CHLSN: variants seen among roughly 807,000 people sequenced by gnomAD.
CHLSN encodes the protein protein cholesin.
chr7:1,062,334 G>A, the CHLSN span, among the ~76,000 whole-genome samples: 1 of 152,158 alleles, frequency 6.6e-6, no homozygotes, highest in East Asian at 1.9e-4. Flanking sequence ...AGCAGGAATA[G>A]TAACCGTAAC....
At chr7:1,072,662 A>G in the CHLSN span, among the ~76,000 whole-genome samples, 1 of 143,562 alleles carries the variant, frequency 7.0e-6, no homozygotes, top group African/African-American at 2.6e-5. Context: ...TATGGAGTCA[A>G]TTTCTTTTCT....
the CHLSN span, chr7:1,028,556 C>T: frequency 7.1e-6 from 7 of 985,152 alleles, no homozygotes; most frequent in Middle Eastern, 1.0e-3. Context: ...CTCTGGCCGC[C>T]CGGGTCTCCG....
At chr7:1,010,150 G>T in the CHLSN span, 1 of 1,605,976 alleles carries the variant, frequency 6.2e-7, no homozygotes, top group Non-Finnish European at 8.5e-7. Flanking sequence ...CGCCCTGAAA[G>T]TCAAGGAACA....
the CHLSN span, chr7:987,308 G>T: frequency 6.5e-7 from 1 of 1,533,324 alleles, no homozygotes; most frequent in African/African-American, 1.4e-5. Context: ...AGGGACGAGG[G>T]ATGGCGCTGC....
the CHLSN span, among the ~76,000 whole-genome samples, chr7:1,050,351 G>A: frequency 2.0e-5 from 3 of 152,256 alleles, no homozygotes; most frequent in African/African-American, 7.2e-5. Flanking sequence ...GCAGAGCAGG[G>A]AGCCGTCCAC....
chr7:1,000,721 G>A, the CHLSN span, among the ~76,000 whole-genome samples: 7 of 152,156 alleles, frequency 4.6e-5, no homozygotes, highest in African/African-American at 1.4e-4. Context: ...TGCCCGAGGC[G>A]AGGAGCCGCA....
chr7:1,102,287 A>G, the CHLSN span, among the ~76,000 whole-genome samples: 3 of 152,258 alleles, frequency 2.0e-5, no homozygotes, highest in Non-Finnish European at 4.4e-5. Flanking sequence ...AGCTGGGCCC[A>G]GCGGCAGTGG....
At chr7:1,053,243 C>T in the CHLSN span, among the ~76,000 whole-genome samples, 1 of 152,266 alleles carries the variant, frequency 6.6e-6, no homozygotes, top group Non-Finnish European at 1.5e-5. Flanking sequence ...CACAGAACCC[C>T]TCTGCGTCCA....
the CHLSN span, among the ~76,000 whole-genome samples, chr7:1,105,988 AG>A: frequency 3.3e-5 from 5 of 151,448 alleles, no homozygotes; most frequent in African/African-American, 1.2e-4. Flanking sequence ...CACGGAGGGG[AG>A]AGGAGAGAGG....
the CHLSN span, among the ~76,000 whole-genome samples, chr7:1,103,094 G>A: frequency 5.7e-3 from 864 of 152,310 alleles, 64 homozygotes; most frequent in East Asian, 0.14. Flanking sequence ...GGGGTCTCCC[G>A]GGCCCTCCTC....
At chr7:1,100,707 C>T in the CHLSN span, among the ~76,000 whole-genome samples, 3 of 151,860 alleles carry the variant, frequency 2.0e-5, no homozygotes, top group Admixed American at 6.5e-5. Flanking sequence ...TGTCCCCAGC[C>T]GGAGCCCCTC....
At chr7:1,117,705 G>A in the CHLSN span, among the ~76,000 whole-genome samples, 15 of 149,178 alleles carry the variant, frequency 1.0e-4, no homozygotes, top group South Asian at 1.3e-3. Flanking sequence ...TCTACGGACC[G>A]GCTTCCATCA....
At chr7:1,095,996 C>T in the CHLSN span, among the ~76,000 whole-genome samples, 1 of 152,198 alleles carries the variant, frequency 6.6e-6, no homozygotes, top group Non-Finnish European at 1.5e-5. Flanking sequence ...GTGGGAACTG[C>T]GTCTGAACAG....
the CHLSN span, among the ~76,000 whole-genome samples, chr7:1,069,690 G>A: frequency 0.087 from 7,550 of 86,540 alleles, 314 homozygotes; most frequent in Middle Eastern, 0.24. Context: ...GCGTGATCTC[G>A]GCTCACTACA....
At chr7:1,099,357 G>A in the CHLSN span, among the ~76,000 whole-genome samples, 1 of 152,278 alleles carries the variant, frequency 6.6e-6, no homozygotes, top group Admixed American at 6.5e-5. Context: ...CCCTGTGCTG[G>A]TGGGCCACGG....
chr7:1,092,127 G>A, the CHLSN span: 1 of 1,613,802 alleles, frequency 6.2e-7, no homozygotes, highest in Non-Finnish European at 8.5e-7. Flanking sequence ...GCACCTTCAT[G>A]TCGCTCTTCC....
chr7:1,006,673 G>A, the CHLSN span, among the ~76,000 whole-genome samples: 1 of 147,692 alleles, frequency 6.8e-6, no homozygotes, highest in African/African-American at 2.5e-5. Context: ...CACAGCGCGG[G>A]GAAAGAGCGC....
the CHLSN span, among the ~76,000 whole-genome samples, chr7:1,108,816 C>T: frequency 3.3e-5 from 5 of 151,820 alleles, no homozygotes; most frequent in African/African-American, 4.8e-5. Context: ...CTCACTGGAG[C>T]GGCTGCTGGG....
chr7:996,104 C>T, the CHLSN span, among the ~76,000 whole-genome samples: 3 of 152,348 alleles, frequency 2.0e-5, no homozygotes, highest in East Asian at 1.9e-4. Context: ...AGTAGACGTC[C>T]GTGGGTCACA....
Sources: allele counts gnomAD v4.1 joint callset (sites outside exome capture counted in the v4.1 genomes callset), GRCh38; gene constraint gnomAD v4.1.1; transcripts MANE v1.5; gene names NCBI Gene and HGNC (gene_info 2026-07-23, HGNC 2026-07-21).